FUCA1: variants seen among roughly 807,000 people sequenced by gnomAD.
FUCA1 encodes alpha-L-fucosidase 1.
FUCA1 carries 52 observed loss-of-function variants against 56.8 expected under a neutral mutation model. The observed-to-expected ratio is 0.92, with a 90% confidence interval of 0.73 to 1.15. FUCA1 has a LOEUF of 1.15. FUCA1 is among the 50% of genes most tolerant of loss of function. The pLI is 0.00. For missense variants in FUCA1, 568 were observed against 592.6 expected (o/e 0.96, Z 0.43); for synonymous variants, 230 against 226.6 (o/e 1.02, Z -0.14).
Position 23,859,685 on chromosome 1 carries a change from A to T in FUCA1, c.768+113T>A, listed in dbSNP as rs997718195. 16 of 710,304 alleles carry T rather than the reference A, an allele frequency of 2.3e-5. No individual in the cohort carries two copies. In the African/African-American group the frequency reaches 2.5e-4, roughly 11 times the overall value. The allele number at this position is 710,304 out of a possible 1,614,324, so 44.0% of individuals were successfully genotyped here. ...AAGTGTCCCAGTCCCTACTGCCCCCATGTTGATATTCCTGTTTATTATTGC... is the reference window on the plus strand; with the variant it reads ...AAGTGTCCCAGTCCCTACTGCCCCCTTGTTGATATTCCTGTTTATTATTGC... On this transcript the variant is annotated intron_variant, in intron 4 of 7. Coordinates refer to ENST00000374479, the MANE Select transcript of FUCA1 (RefSeq NM_000147.5).
intron 5 of FUCA1, among the ~76,000 whole-genome samples, chr1:23,850,515 GCT>G (rs1297895170): frequency 1.3e-5 from 2 of 151,768 alleles, no homozygotes; most frequent in Non-Finnish European, 2.9e-5. Context: ...ACGGAGTCTA[GCT>G]CTGTCACCCA....
At position 23,854,510 on chromosome 1, in the gene FUCA1, A is replaced by G; in HGVS notation, c.819T>C (p.His273=). ...DRWGQNCSCH[H]GGYYNCEDKF... is the part of the protein sequence containing the mutation. ...TATCTTCACAGTTATAGTATCCTCC[A>G]TGGTGACAGGAACAGTTCTGACCCC... is the stretch of plus-strand genomic sequence containing the variant. Residue 273 remains histidine (H), a synonymous_variant, in exon 5 of 8, where the codon CAT becomes CAC. Transcript: ENST00000374479. The G allele has an allele frequency of 6.2e-7, 1 of 1,614,054 alleles. No individual in the cohort carries two copies. Among genetic ancestry groups the G allele is most frequent in the Non-Finnish European group, 8.5e-7 (1 of 1,179,956 alleles).
At position 23,867,986 on chromosome 1, in the gene FUCA1, A is replaced by C; in HGVS notation, c.301T>G (p.Phe101Val). ...RFMRDNYPPG[F>V]SYADFGPQFT... ...TGCGGTCCGAAGTCGGCGTAGCTGA[A>C]GCCGGGCGGGTAGTTGTCGCGCATG... The change falls in exon 1 of 8, where the codon TTC becomes GTC. Residue 101 changes from phenylalanine (F) to valine (V), a missense_variant. Physicochemically the swap from Phe to Val is conservative, Grantham distance 50. Coordinates refer to ENST00000374479, the MANE Select transcript of FUCA1 (RefSeq NM_000147.5). This position sits in a 1 kb window ranked among gnomAD's most constrained non-coding sequence, Gnocchi z 4.9. 1 of 1,601,384 alleles carries C rather than the reference A, an allele frequency of 6.2e-7. No individual in the cohort carries two copies. The highest frequency in any genetic ancestry group is 8.5e-7 in the Non-Finnish European group (1 of 1,175,158).
At chr1:23,850,864 A>G (rs1403473537) in intron 5 of FUCA1, among the ~76,000 whole-genome samples, 1 of 152,124 alleles carries the variant, frequency 6.6e-6, no homozygotes, top group Non-Finnish European at 1.5e-5. Flanking sequence ...CCCTCAAGCA[A>G]TCCTCTTGTC....
chr1:23,848,028 TAATAA>T (rs1029633016), intron 6 of FUCA1, among the ~76,000 whole-genome samples: 96 of 151,960 alleles, frequency 6.3e-4, no homozygotes, highest in African/African-American at 2.2e-3. Context: ...TAAAAAATAA[TAATAA>T]AATAAAATAA....
intron 3 of FUCA1, among the ~76,000 whole-genome samples, chr1:23,861,221 G>A (rs1639504115): frequency 6.6e-6 from 1 of 151,240 alleles, no homozygotes; most frequent in Non-Finnish European, 1.5e-5. Context: ...TACTTGGGAG[G>A]CTGAGGCAGG....
intron 3 of FUCA1, among the ~76,000 whole-genome samples, chr1:23,860,234 G>A (rs1639478772): frequency 6.6e-6 from 1 of 152,066 alleles, no homozygotes; most frequent in Non-Finnish European, 1.5e-5. Context: ...AGAGGATGTG[G>A]AAAACTGAAA....
At chr1:23,851,427 T>A (rs957871565) in intron 5 of FUCA1, among the ~76,000 whole-genome samples, 5 of 141,612 alleles carry the variant, frequency 3.5e-5, no homozygotes, top group African/African-American at 5.2e-5. Context: ...CATACATACA[T>A]ACAAATAATC....
At chr1:23,856,935 T>C (rs1639403041) in intron 4 of FUCA1, among the ~76,000 whole-genome samples, 2 of 150,612 alleles carry the variant, frequency 1.3e-5, no homozygotes, top group South Asian at 4.2e-4. Flanking sequence ...GAGGTTGCAG[T>C]GAGCCGAGAT....
chr1:23,848,561 C>T, intron 6 of FUCA1, 88 bp downstream of exon 6: 1 of 1,314,540 alleles, frequency 7.6e-7, no homozygotes, highest in Non-Finnish European at 1.1e-6. Context: ...AACTTCCAGC[C>T]TGGCTTGTGA....
At chr1:23,866,648 C>G (rs1376579947) in intron 1 of FUCA1, among the ~76,000 whole-genome samples, 1 of 152,164 alleles carries the variant, frequency 6.6e-6, no homozygotes, top group Non-Finnish European at 1.5e-5. Flanking sequence ...ATGTAAAAAC[C>G]ATTCTCACCT....
intron 5 of FUCA1, among the ~76,000 whole-genome samples, chr1:23,853,842 T>C (rs1419270054): frequency 6.6e-6 from 1 of 151,996 alleles, no homozygotes; most frequent in Non-Finnish European, 1.5e-5. Flanking sequence ...AGATGTGCTT[T>C]GTTAAACAGA....
chr1:23,860,720 C>A (rs972748542), intron 3 of FUCA1, among the ~76,000 whole-genome samples: 10 of 151,030 alleles, frequency 6.6e-5, no homozygotes, highest in Non-Finnish European at 1.0e-4. Flanking sequence ...CTCACTGCAA[C>A]CTTCACCTGC....
intron 5 of FUCA1, among the ~76,000 whole-genome samples, chr1:23,851,729 C>T (rs907211050): frequency 2.0e-5 from 3 of 150,882 alleles, no homozygotes; most frequent in Admixed American, 6.6e-5. Flanking sequence ...AAGCTGGAAA[C>T]CATCATTCTT....
chr1:23,852,792 G>A lies in FUCA1; in HGVS notation c.969+1568C>T, dbSNP rs561349222. Among the ~76,000 whole-genome samples the A allele has an allele frequency of 2.2e-4, 34 of 152,270 alleles. 1 individual carries two copies. The highest frequency in any genetic ancestry group is 6.5e-4 in the Admixed American group (10 of 15,296). On this transcript the variant is annotated intron_variant, in intron 5 of 7. Transcript: ENST00000374479. ...TTCACTCAGTGCTCAATGGTGCCCAGGCTGGAGTGCAGTGGCGTGATCTCC... is the reference window on the plus strand; with the variant it reads ...TTCACTCAGTGCTCAATGGTGCCCAAGCTGGAGTGCAGTGGCGTGATCTCC...
At chr1:23,862,821 GCCAAACCACCCC>G (rs1348576974) in intron 3 of FUCA1, among the ~76,000 whole-genome samples, 1 of 152,158 alleles carries the variant, frequency 6.6e-6, no homozygotes, top group Non-Finnish European at 1.5e-5. Flanking sequence ...TCTGCCCGAT[GCCAAACCACCCC>G]CTCTCCAGGG....
At chr1:23,855,568 G>A (rs772412892) in intron 4 of FUCA1, among the ~76,000 whole-genome samples, 2 of 152,200 alleles carry the variant, frequency 1.3e-5, no homozygotes, top group African/African-American at 4.8e-5. Flanking sequence ...TTTATTAAAA[G>A]TTTAAAATTC....
Position 23,854,515 on chromosome 1 carries a change from G to T in FUCA1, c.814C>A (p.His272Asn). The T allele has an allele frequency of 1.2e-6, 2 of 1,614,016 alleles. No individual in the cohort carries two copies. The highest frequency in any genetic ancestry group is 1.7e-6 in the Non-Finnish European group (2 of 1,179,912). ...TCACAGTTATAGTATCCTCCATGGTGACAGGAACAGTTCTGACCCCATCGG... is the reference window on the plus strand; with the variant it reads ...TCACAGTTATAGTATCCTCCATGGTTACAGGAACAGTTCTGACCCCATCGG... ...NDRWGQNCSC[H>N]HGGYYNCEDK... Residue 272 changes from histidine (H) to asparagine (N), a missense_variant, in exon 5 of 8, where the codon CAC becomes AAC. His to Asn is a moderately conservative substitution (Grantham distance 68). Transcript: ENST00000374479.
rs1326350955 is a variant in FUCA1, at chr1:23,848,629, C to T, written c.1160+20G>A. 24 of 1,610,176 alleles carry T rather than the reference C, an allele frequency of 1.5e-5. No homozygotes were observed. The highest frequency in any genetic ancestry group is 1.9e-5 in the Non-Finnish European group (22 of 1,176,560). ...TGGGGCACTGTTCTGTTCTTACACA[C>T]AACAGAAGACAAGACTCACCATACA... On this transcript the variant is annotated intron_variant, in intron 6 of 7. Coordinates refer to ENST00000374479, the MANE Select transcript of FUCA1 (RefSeq NM_000147.5).
Sources: gnomAD v4.1 joint callset for allele counts (sites outside exome capture counted in the v4.1 genomes callset) on GRCh38, gnomAD v4.1.1 for gene constraint, Gnocchi (gnomAD v3.1) non-coding constraint, MANE v1.5 for transcripts, NCBI Gene and HGNC (gene_info 2026-07-23, HGNC 2026-07-21) for gene names.